NRXN3: variants seen among roughly 807,000 people sequenced by gnomAD.
The protein encoded by NRXN3 is neurexin III.
In NRXN3, 32 loss-of-function variants were observed where a neutral mutation model predicts 137.6. The ratio of observed to expected loss-of-function variants is 0.23; its 90% confidence interval spans 0.18 to 0.31. The LOEUF (loss-of-function observed/expected upper bound fraction) is 0.31, where lower values mean the gene tolerates loss of function less well. NRXN3 is among the 10% of genes least tolerant of loss of function. NRXN3 has a pLI of 1.00. For synonymous variants in NRXN3, 798 were observed against 784.5 expected, an observed-to-expected ratio of 1.02 and a Z score of -0.29; for missense variants, 1,574 against 2,062.5, an observed-to-expected ratio of 0.76 and a Z score of 4.59.
At chr14:78,681,461 T>C (rs147901463) in intron 6 of NRXN3, among the ~76,000 whole-genome samples, 1,823 of 152,314 alleles carry the variant, frequency 0.012, 23 homozygotes, top group South Asian at 0.02. Context: ...ACCCTCTCCA[T>C]ATTTTCAGTT....
intron 16 of NRXN3, among the ~76,000 whole-genome samples, chr14:79,551,643 A>G (rs2097373544): frequency 6.6e-6 from 1 of 152,162 alleles, no homozygotes; most frequent in East Asian, 1.9e-4. Flanking sequence ...TTATTCTGAC[A>G]GGCGTGGACT....
intron 16 of NRXN3, among the ~76,000 whole-genome samples, chr14:79,565,341 A>ATG (rs543160033): frequency 0.034 from 4,705 of 138,882 alleles, 239 homozygotes; most frequent in East Asian, 0.24. Flanking sequence ...ATATATACAT[A>ATG]TGTGTGCGTA....
intron 9 of NRXN3, among the ~76,000 whole-genome samples, chr14:78,809,157 G>A (rs1327284975): frequency 1.3e-5 from 2 of 152,022 alleles, no homozygotes; most frequent in African/African-American, 4.8e-5. Flanking sequence ...GTGTGTCCAT[G>A]ACTCCCAAGC....
intron 15 of NRXN3, among the ~76,000 whole-genome samples, chr14:79,204,157 G>GA (rs907178622): frequency 6.6e-5 from 10 of 151,840 alleles, no homozygotes; most frequent in Admixed American, 2.0e-4. Flanking sequence ...AAGATACAAA[G>GA]AAAAAAGATT....
At chr14:79,279,293 G>C (rs56711325) in intron 15 of NRXN3, 286,977 of 952,078 alleles carry the variant, frequency 0.3, 45,290 homozygotes, top group Admixed American at 0.43. Context: ...TCCCTCGGCA[G>C]AGCGCTGGGG....
intron 15 of NRXN3, among the ~76,000 whole-genome samples, chr14:79,414,084 C>A (rs1160525257): frequency 6.6e-6 from 1 of 151,862 alleles, no homozygotes. Context: ...ATAAGAAAAT[C>A]CAGATTTTAG....
intron 1 of NRXN3, among the ~76,000 whole-genome samples, chr14:78,222,471 C>T (rs1272009445): frequency 1.3e-5 from 2 of 152,202 alleles, no homozygotes; most frequent in African/African-American, 2.4e-5. Flanking sequence ...TTGGGTGCTT[C>T]TCCCTTCCGG....
intron 16 of NRXN3, among the ~76,000 whole-genome samples, chr14:79,587,483 G>A (rs939685293): frequency 2.6e-5 from 4 of 152,278 alleles, no homozygotes; most frequent in East Asian, 1.9e-4. Flanking sequence ...AACATCAGGC[G>A]AGCAATGTGT....
At chr14:78,232,571 TC>T (rs1282609269) in intron 1 of NRXN3, among the ~76,000 whole-genome samples, 1 of 152,278 alleles carries the variant, frequency 6.6e-6, no homozygotes, top group Middle Eastern at 3.4e-3. Flanking sequence ...AATTTTCCTC[TC>T]CCCTTACCCG....
intron 15 of NRXN3, among the ~76,000 whole-genome samples, chr14:79,406,837 G>A: frequency 6.6e-6 from 1 of 152,104 alleles, no homozygotes; most frequent in East Asian, 1.9e-4. Flanking sequence ...GATTATTTAT[G>A]TTTTATTTAT....
At chr14:79,840,532 C>T (rs1272029660) in intron 20 of NRXN3, among the ~76,000 whole-genome samples, 3 of 152,124 alleles carry the variant, frequency 2.0e-5, no homozygotes, top group African/African-American at 7.2e-5. Flanking sequence ...AGTTCCCATA[C>T]TCAGTGAGAA....
At chr14:78,999,711 A>G (rs1161436068) in intron 15 of NRXN3, among the ~76,000 whole-genome samples, 1 of 152,140 alleles carries the variant, frequency 6.6e-6, no homozygotes, top group African/African-American at 2.4e-5. Flanking sequence ...TCATTCATAC[A>G]TACATCTATA....
intron 6 of NRXN3, among the ~76,000 whole-genome samples, chr14:78,668,193 A>G (rs760974023): frequency 9.2e-5 from 14 of 152,226 alleles, no homozygotes; most frequent in Non-Finnish European, 1.5e-4. Flanking sequence ...AAAATTGGGT[A>G]TTGCTTGATG....
chr14:78,568,961 G>GGTTTTTTTTTTTTTT (rs2096862151), intron 4 of NRXN3, among the ~76,000 whole-genome samples: 3 of 103,748 alleles, frequency 2.9e-5, no homozygotes, highest in Admixed American at 1.1e-4. Flanking sequence ...GACTTTGCAG[G>GGTTTTTTTTTTTTTT]TTTTTTTTTT....
At chr14:78,895,538 T>C (rs1249911536) in intron 10 of NRXN3, among the ~76,000 whole-genome samples, 8 of 151,942 alleles carry the variant, frequency 5.3e-5, no homozygotes, top group African/African-American at 1.9e-4. Context: ...GCAATAAGCT[T>C]GTTTAACTTT....
chr14:78,542,562 G>A (rs959489690), intron 4 of NRXN3, among the ~76,000 whole-genome samples: 6 of 152,184 alleles, frequency 3.9e-5, no homozygotes, highest in African/African-American at 9.6e-5. Flanking sequence ...GTATTTGGGC[G>A]GGAGTGTCCC....
intron 4 of NRXN3, among the ~76,000 whole-genome samples, chr14:78,619,965 C>T (rs1366298524): frequency 6.6e-6 from 1 of 152,158 alleles, no homozygotes; most frequent in East Asian, 1.9e-4. Context: ...GGCACCGAAT[C>T]TGCCAGCACT....
chr14:79,315,907 A>G (rs1473364244), intron 15 of NRXN3, among the ~76,000 whole-genome samples: 1 of 152,260 alleles, frequency 6.6e-6, no homozygotes, highest in African/African-American at 2.4e-5. Context: ...AAGAAAGCAG[A>G]GCGAGATATG....
At position 79,648,054 on chromosome 14, in the gene NRXN3, A is replaced by G. The variant is rs1229224046; in HGVS notation, c.3445-15724A>G. ...AGTTATTTGAACGGAATGAAGTATA[A>G]GAAAACCTGTGCTTTCCTTAATTTT... On this transcript the variant is annotated intron_variant, in intron 16 of 20. Coordinates refer to ENST00000335750, the MANE Select transcript of NRXN3 (RefSeq NM_001330195.2). Among the ~76,000 whole-genome samples the G allele has an allele frequency of 3.0e-5, 4 of 135,394 alleles. 1 individual carries two copies. The highest frequency in any genetic ancestry group is 6.9e-5 in the Non-Finnish European group (4 of 58,298). The allele number at this position is 135,394 out of a possible 152,430, so 88.8% of individuals were successfully genotyped here. A position where few individuals can be genotyped will look rare whatever the true frequency, so the allele number is the denominator to read the frequency against.
Sources: gnomAD v4.1 joint callset for allele counts (sites outside exome capture counted in the v4.1 genomes callset) on GRCh38, gnomAD v4.1.1 for gene constraint, MANE v1.5 for transcripts, NCBI Gene and HGNC (gene_info 2026-07-23, HGNC 2026-07-21) for gene names.